ST7L: variants seen among roughly 807,000 people sequenced by gnomAD.
The protein encoded by ST7L is suppression of tumorigenicity 7 like.
In ST7L, 57 loss-of-function variants were observed where a neutral mutation model predicts 72.5. That is an observed-to-expected ratio of 0.79 (90% CI 0.64 to 0.98). The LOEUF (loss-of-function observed/expected upper bound fraction) is 0.98, where lower values mean the gene tolerates loss of function less well. Ranked by LOEUF, ST7L falls within the 50% of genes least tolerant of loss-of-function variation. The probability of loss-of-function intolerance (pLI) is 0.00; values close to 1 mark genes in which losing one functional copy is unlikely to be tolerated. For synonymous variants in ST7L, 221 were observed against 240.9 expected (o/e 0.92, Z 0.77); for missense variants, 576 against 672.2 (o/e 0.86, Z 1.58).
intron 14 of ST7L, chr1:112,540,215 C>A (rs1455551719): frequency 1.0e-6 from 1 of 985,302 alleles, no homozygotes; most frequent in African/African-American, 1.7e-5. Flanking sequence ...TATTTCACTT[C>A]CTTCCCACTC....
chr1:112,601,874 T>C (rs1015525802), intron 3 of ST7L, among the ~76,000 whole-genome samples: 1 of 151,968 alleles, frequency 6.6e-6, no homozygotes, highest in Non-Finnish European at 1.5e-5. Context: ...AGGTCAGTAG[T>C]TCAAGACCAG....
At chr1:112,576,945 A>G in intron 11 of ST7L, 41 bp downstream of exon 11, 2 of 1,447,234 alleles carry the variant, frequency 1.4e-6, no homozygotes, top group Non-Finnish European at 1.9e-6. Context: ...CAATTTGATA[A>G]ACTTAAATAA....
chr1:112,568,855 A>AATATAAATAT (rs1377042722), intron 11 of ST7L, among the ~76,000 whole-genome samples: 3 of 80,880 alleles, frequency 3.7e-5, no homozygotes, highest in African/African-American at 1.5e-4. Flanking sequence ...TATAAATATA[A>AATATAAATAT]ATATAAATAT....
intron 11 of ST7L, among the ~76,000 whole-genome samples, chr1:112,557,995 T>C (rs1256682447): frequency 1.3e-5 from 2 of 152,218 alleles, no homozygotes; most frequent in Non-Finnish European, 2.9e-5. Flanking sequence ...ACTTGTTATA[T>C]GTAGAAAGAT....
rs148773847 is a variant in ST7L, at chr1:112,535,079, C to T, written c.1629+6872G>A. ...GGAAGGGATATACACATGCGTTAAA[C>T]GGTATATTGTTGGCTGGGCGCAGTG... On this transcript the variant is annotated intron_variant, in intron 14 of 14. Transcript: ENST00000358039. Among the ~76,000 whole-genome samples, 649 of 152,178 alleles carry T rather than the reference C, an allele frequency of 4.3e-3. 4 individuals are homozygous for T. Among genetic ancestry groups the T allele is most frequent in the African/African-American group, 0.015 (621 of 41,522 alleles).
At chr1:112,562,097 G>A (rs553346663) in intron 11 of ST7L, among the ~76,000 whole-genome samples, 1 of 151,676 alleles carries the variant, frequency 6.6e-6, no homozygotes, top group South Asian at 2.1e-4. Flanking sequence ...CTCCTTAGTA[G>A]CTGGGACTGT....
intron 14 of ST7L, among the ~76,000 whole-genome samples, chr1:112,533,393 A>G (rs1271175084): frequency 6.6e-6 from 1 of 151,776 alleles, no homozygotes; most frequent in Non-Finnish European, 1.5e-5. Context: ...ATCCTGGCTC[A>G]CGGCAATCTT....
chr1:112,599,282 A>C lies in ST7L; in HGVS notation c.507-1196T>G, dbSNP rs748868276. Among the ~76,000 whole-genome samples, 16 of 151,790 alleles carry C rather than the reference A, an allele frequency of 1.1e-4. 1 individual carries two copies. The highest frequency in any genetic ancestry group is 1.2e-4 in the Non-Finnish European group (8 of 67,900). On this transcript the variant is annotated intron_variant, in intron 4 of 14. Transcript: ENST00000358039. Reference sequence around the variant, plus strand: ...TTACAGGTATCCCTTAACACAGGCTAATGGCATCTTTCATAAAAGCCTGGC... The same window carrying C: ...TTACAGGTATCCCTTAACACAGGCTCATGGCATCTTTCATAAAAGCCTGGC...
chr1:112,578,617 T>C (rs1258381734), intron 9 of ST7L, among the ~76,000 whole-genome samples, 200 bp from the exon 10 acceptor site: 1 of 151,456 alleles, frequency 6.6e-6, no homozygotes, highest in Non-Finnish European at 1.5e-5. Context: ...CTATTAAAAA[T>C]ACAAAAATTT....
chr1:112,613,178 C>T (rs1669336280), intron 2 of ST7L, among the ~76,000 whole-genome samples: 1 of 151,918 alleles, frequency 6.6e-6, no homozygotes, highest in Non-Finnish European at 1.5e-5. Flanking sequence ...TTCCCTTCAC[C>T]ATACAAAGTG....
chr1:112,618,908 C>A lies in ST7L; in HGVS notation c.205+1G>T. The A allele has an allele frequency of 1.3e-6, 2 of 1,556,804 alleles. No individual in the cohort carries two copies. The highest frequency in any genetic ancestry group is 1.7e-6 in the Non-Finnish European group (2 of 1,150,042). On this transcript the variant is annotated splice_donor_variant, in intron 1 of 14. Transcript: ENST00000358039. LOFTEE classifies it high-confidence loss of function. ...TGCCCCAGGAGGTCTGGTCCTCTCACCCGCTGCCAAATTCTCACACAGCCT... is the reference window on the plus strand; with the variant it reads ...TGCCCCAGGAGGTCTGGTCCTCTCAACCGCTGCCAAATTCTCACACAGCCT...
At chr1:112,577,792 A>G (rs1663373613) in intron 10 of ST7L, among the ~76,000 whole-genome samples, 1 of 152,138 alleles carries the variant, frequency 6.6e-6, no homozygotes, top group Non-Finnish European at 1.5e-5. Context: ...ATTCATATCA[A>G]AGCATAAAAA....
chr1:112,597,946 T>G, intron 5 of ST7L, 25 bp downstream of exon 5: 1 of 1,539,172 alleles, frequency 6.5e-7, no homozygotes, highest in Non-Finnish European at 8.9e-7. Context: ...TCACTGTTTA[T>G]ACTATGAACA....
intron 12 of ST7L, among the ~76,000 whole-genome samples, chr1:112,555,436 G>A (rs1484174934): frequency 6.6e-6 from 1 of 151,966 alleles, no homozygotes; most frequent in Non-Finnish European, 1.5e-5. Context: ...ATGGTGGCAG[G>A]CGCCTGTAGT....
At chr1:112,571,443 T>C (rs1375956329) in intron 11 of ST7L, 2 of 297,924 alleles carry the variant, frequency 6.7e-6, no homozygotes, top group African/African-American at 4.6e-5. Flanking sequence ...ATTTATTTAT[T>C]TGAGACAGAG....
intron 14 of ST7L, among the ~76,000 whole-genome samples, chr1:112,531,968 T>C (rs2101210952): frequency 6.7e-6 from 1 of 149,524 alleles, no homozygotes; most frequent in Middle Eastern, 3.5e-3. Flanking sequence ...CTGAACTGCA[T>C]GTTCTACTGC....
chr1:112,555,495 G>A (rs1417203612), intron 12 of ST7L, among the ~76,000 whole-genome samples: 1 of 152,100 alleles, frequency 6.6e-6, no homozygotes, highest in African/African-American at 2.4e-5. Flanking sequence ...AACCCAGGAG[G>A]CAGAGCTTGT....
chr1:112,562,713 A>G lies in ST7L; in HGVS notation c.1246-6695T>C, dbSNP rs542424518. Among the ~76,000 whole-genome samples the G allele has an allele frequency of 9.8e-5, 15 of 152,326 alleles. No homozygotes were observed. In the East Asian group the frequency reaches 2.7e-3, roughly 27 times the overall value. On this transcript the variant is annotated intron_variant, in intron 11 of 14. Transcript: ENST00000358039. ...TAAGGCTGGAGACAGATACTGGCCCAGAATATGAAGGGCTTTTATAGGTGT... is the reference window on the plus strand; with the variant it reads ...TAAGGCTGGAGACAGATACTGGCCCGGAATATGAAGGGCTTTTATAGGTGT...
intron 14 of ST7L, chr1:112,527,338 A>C (rs927962279): frequency 1.3e-5 from 2 of 152,538 alleles, no homozygotes; most frequent in Non-Finnish European, 2.9e-5. Flanking sequence ...TCCCCAAGGC[A>C]GACTTTATTT....
Sources: gnomAD v4.1 joint callset for allele counts (sites outside exome capture counted in the v4.1 genomes callset) on GRCh38, gnomAD v4.1.1 for gene constraint, MANE v1.5 for transcripts, NCBI Gene and HGNC (gene_info 2026-07-23, HGNC 2026-07-21) for gene names.